The following SCOC variants were observed in gnomAD, a reference collection of about 807,000 sequenced individuals.
SCOC encodes the protein short coiled-coil protein, also known as short coiled coil protein.
Under a neutral mutation model 9.9 loss-of-function variants are expected in SCOC, and 7 were observed. The ratio of observed to expected loss-of-function variants is 0.71; its 90% CI spans 0.40 to 1.33. The LOEUF is 1.33. SCOC is among the 40% of genes most tolerant of loss of function. SCOC has a pLI of 0.01. For missense variants in SCOC, 66 were observed against 89.7 expected, an observed-to-expected ratio of 0.74 and a Z score of 1.07; for synonymous variants, 19 against 28.2, an observed-to-expected ratio of 0.67 and a Z score of 1.03.
chr4:140,291,858 C>G (rs1731482775), intron 1 of SCOC, among the ~76,000 whole-genome samples: 1 of 152,158 alleles, frequency 6.6e-6, no homozygotes, highest in Non-Finnish European at 1.5e-5. Flanking sequence ...GATGAATTTC[C>G]TTTCCCCAGT....
chr4:140,266,611 G>A (rs72937766), intron 1 of SCOC, among the ~76,000 whole-genome samples: 7,159 of 152,176 alleles, frequency 0.047, 511 homozygotes, highest in African/African-American at 0.15. Flanking sequence ...ACATGGGGAT[G>A]GGGCCTGAGT....
At chr4:140,376,660 C>T (rs1578885537) in intron 1 of SCOC, 1 of 152,166 alleles carries the variant, frequency 6.6e-6, no homozygotes, top group East Asian at 1.9e-4. Flanking sequence ...TTTTTATTTT[C>T]TTTCACTTTT....
intron 1 of SCOC, among the ~76,000 whole-genome samples, chr4:140,295,200 T>A (rs1731586665): frequency 6.6e-6 from 1 of 152,230 alleles, no homozygotes; most frequent in African/African-American, 2.4e-5. Flanking sequence ...GCTTATGATA[T>A]AATGATGGGG....
chr4:140,281,389 G>T (rs968108553), intron 1 of SCOC, among the ~76,000 whole-genome samples: 4 of 152,106 alleles, frequency 2.6e-5, no homozygotes, highest in African/African-American at 7.2e-5. Flanking sequence ...ACTGATTTCT[G>T]GTAATGAGTC....
intron 1 of SCOC, among the ~76,000 whole-genome samples, chr4:140,315,620 C>A (rs1229899971): frequency 6.6e-6 from 1 of 152,198 alleles, no homozygotes; most frequent in Non-Finnish European, 1.5e-5. Context: ...TGGGCAACTC[C>A]CAGGACTTTC....
At position 140,379,002 on chromosome 4, in the gene SCOC, T is replaced by A. The variant is rs146819941; in HGVS notation, c.-50-119T>A. The A allele has an allele frequency of 1.0e-3, 669 of 663,718 alleles. 5 individuals are homozygous for A. The African/African-American group carries it at 0.011, about 11-fold the overall frequency. 41.1% of individuals were successfully genotyped at this position (663,718 alleles called of 1,614,324 possible). ...TACCCATTAGGCATTTATTTTATTC[T>A]TAGTAAAGCATATGAAAAGTCCTAC... On this transcript the variant is annotated intron_variant, in intron 1 of 3. Transcript: ENST00000608372.
At chr4:140,357,303 G>A (rs898528491) in intron 2 of SCOC, among the ~76,000 whole-genome samples, 3 of 152,108 alleles carry the variant, frequency 2.0e-5, no homozygotes, top group South Asian at 2.1e-4. Flanking sequence ...GTAATCAGGT[G>A]TACAGAGATT....
chr4:140,354,106 C>A (rs1315589801), intron 2 of SCOC, among the ~76,000 whole-genome samples: 1 of 152,230 alleles, frequency 6.6e-6, no homozygotes, highest in Non-Finnish European at 1.5e-5. Context: ...ACAAAAGGCT[C>A]TACTATTGTT....
intron 2 of SCOC, among the ~76,000 whole-genome samples, chr4:140,350,356 G>A (rs936768468): frequency 4.6e-5 from 7 of 152,202 alleles, no homozygotes; most frequent in Non-Finnish European, 7.3e-5. Flanking sequence ...AAGTTGAATG[G>A]CTTAACATCT....
chr4:140,315,115 A>G (rs747253614), intron 1 of SCOC, among the ~76,000 whole-genome samples: 6 of 152,140 alleles, frequency 3.9e-5, no homozygotes, highest in Admixed American at 6.6e-5. Context: ...GTTCCCTGTA[A>G]AGAACTCCAT....
intron 1 of SCOC, among the ~76,000 whole-genome samples, chr4:140,287,107 A>G (rs1731297027): frequency 6.6e-6 from 1 of 151,888 alleles, no homozygotes; most frequent in Non-Finnish European, 1.5e-5. Context: ...TAGATCACAC[A>G]TATGTACACA....
chr4:140,313,139 T>C (rs11935248), intron 1 of SCOC, among the ~76,000 whole-genome samples: 1,688 of 152,336 alleles, frequency 0.011, 33 homozygotes, highest in African/African-American at 0.032. Flanking sequence ...CAGGGAATCC[T>C]GATGTTATTC....
At chr4:140,292,337 T>C (rs1731501095) in intron 1 of SCOC, among the ~76,000 whole-genome samples, 1 of 152,004 alleles carries the variant, frequency 6.6e-6, no homozygotes, top group Non-Finnish European at 1.5e-5. Flanking sequence ...TACAGGTGCG[T>C]GCCACCATGC....
At chr4:140,266,232 A>C (rs906313137) in intron 1 of SCOC, among the ~76,000 whole-genome samples, 1 of 152,188 alleles carries the variant, frequency 6.6e-6, no homozygotes, top group African/African-American at 2.4e-5. Context: ...CCTGATAGCC[A>C]TGGGGAAGAT....
intron 1 of SCOC, among the ~76,000 whole-genome samples, chr4:140,302,927 G>T (rs750354820): frequency 8.5e-5 from 13 of 152,144 alleles, no homozygotes; most frequent in Non-Finnish European, 1.8e-4. Context: ...TAAATGAAAT[G>T]CTCAATGATG....
chr4:140,370,588 G>T (rs887149297), upstream of SCOC, among the ~76,000 whole-genome samples: 14 of 152,270 alleles, frequency 9.2e-5, no homozygotes, highest in African/African-American at 3.1e-4. Context: ...CCTGAGTTCT[G>T]TATACTTAAA....
intron 2 of SCOC, among the ~76,000 whole-genome samples, chr4:140,347,850 G>GAAAGA (rs1726806516): frequency 6.6e-6 from 1 of 151,940 alleles, no homozygotes; most frequent in Non-Finnish European, 1.5e-5. Flanking sequence ...CTCTTACTAT[G>GAAAGA]GTTTATTTCA....
intron 1 of SCOC, among the ~76,000 whole-genome samples, chr4:140,278,913 C>G (rs777272314): frequency 6.9e-6 from 1 of 145,452 alleles, no homozygotes; most frequent in African/African-American, 2.5e-5. Flanking sequence ...CCAATCATGT[C>G]GTCCTCCCCT....
chr4:140,347,580 C>G (rs1034706713), intron 2 of SCOC, among the ~76,000 whole-genome samples: 1 of 152,132 alleles, frequency 6.6e-6, no homozygotes, highest in African/African-American at 2.4e-5. Flanking sequence ...GGCTACTGTT[C>G]TCTCTCTGGA....
Sources: allele counts gnomAD v4.1 joint callset (sites outside exome capture counted in the v4.1 genomes callset), GRCh38; gene constraint gnomAD v4.1.1; transcripts MANE v1.5; gene names NCBI Gene and HGNC (gene_info 2026-07-23, HGNC 2026-07-21).